The following KIAA1328 variants were observed in gnomAD, a reference collection of about 807,000 sequenced individuals.
The protein encoded by KIAA1328 is KIAA1328.
In KIAA1328, 52 loss-of-function variants were observed where a neutral mutation model predicts 68.1. That is an observed-to-expected ratio of 0.76 (90% CI 0.61 to 0.96). The LOEUF (loss-of-function observed/expected upper bound fraction) is 0.96, where lower values mean the gene tolerates loss of function less well. KIAA1328 is among the 40% of genes least tolerant of loss of function. KIAA1328 has a pLI of 0.00. For synonymous variants in KIAA1328, 232 were observed against 239.4 expected, an observed-to-expected ratio of 0.97 and a Z score of 0.28; for missense variants, 641 against 677.6, an observed-to-expected ratio of 0.95 and a Z score of 0.60.
At chr18:36,829,334 T>G (rs1276144825) in intron 1 of KIAA1328, 138 bp downstream of exon 1, 4 of 1,399,060 alleles carry the variant, frequency 2.9e-6, no homozygotes, top group African/African-American at 1.5e-5. Flanking sequence ...TCGGCCCCAG[T>G]CTAGGTGCTG....
At chr18:37,164,413 T>C (rs2059344215) in intron 8 of KIAA1328, among the ~76,000 whole-genome samples, 1 of 152,182 alleles carries the variant, frequency 6.6e-6, no homozygotes, top group Non-Finnish European at 1.5e-5. Context: ...TGGTGATCAA[T>C]TGGTAATGTC....
chr18:36,839,231 C>A (rs2046780468), intron 3 of KIAA1328, among the ~76,000 whole-genome samples: 1 of 152,140 alleles, frequency 6.6e-6, no homozygotes, highest in South Asian at 2.1e-4. Context: ...CTCTCTGATC[C>A]TCTGTTCATA....
At chr18:37,117,156 G>A (rs1421616224) in intron 7 of KIAA1328, among the ~76,000 whole-genome samples, 2 of 150,124 alleles carry the variant, frequency 1.3e-5, no homozygotes, top group Admixed American at 1.3e-4. Context: ...CCATCCCAAG[G>A]GATTATAAAT....
intron 4 of KIAA1328, among the ~76,000 whole-genome samples, chr18:36,855,143 C>T (rs1020988922): frequency 1.3e-5 from 2 of 152,034 alleles, no homozygotes; most frequent in Admixed American, 1.3e-4. Context: ...GTTTTGAGTA[C>T]GTTTTCAAAT....
intron 7 of KIAA1328, among the ~76,000 whole-genome samples, chr18:37,071,133 G>A (rs537603094): frequency 1.4e-4 from 18 of 128,162 alleles, no homozygotes; most frequent in Non-Finnish European, 2.0e-4. Context: ...GCAGTGGCAC[G>A]ATCATGGCTC....
At chr18:37,087,569 A>G (rs1011267083) in intron 7 of KIAA1328, among the ~76,000 whole-genome samples, 1 of 152,190 alleles carries the variant, frequency 6.6e-6, no homozygotes, top group Non-Finnish European at 1.5e-5. Context: ...TGATCCACCT[A>G]TATTGTGAAG....
At chr18:37,019,847 G>A (rs550678530) in intron 6 of KIAA1328, among the ~76,000 whole-genome samples, 8 of 152,332 alleles carry the variant, frequency 5.3e-5, no homozygotes, top group Admixed American at 6.5e-5. Context: ...GGAAAGGTAA[G>A]GTGGCTCAGG....
rs777638337 is a variant in KIAA1328 at position 36,829,153 on chromosome 18, G to T, written c.15G>T (p.Ala5=). The T allele has an allele frequency of 3.3e-6, 5 of 1,533,558 alleles. No individual in the cohort carries two copies. The African/African-American group carries it at 4.2e-5, about 13-fold the overall frequency. The allele number at this position is 1,533,558 out of a possible 1,614,324, so 95.0% of individuals were successfully genotyped here. Residue 5 remains alanine, a synonymous_variant, in exon 1 of 10, where the codon GCG becomes GCT. Transcript: ENST00000280020. MADV[A]GPSRPSAAAF... ...GTTGTTTCAAGATGGCGGACGTGGC[G>T]GGCCCCTCCCGCCCCAGTGCCGCGG... is the stretch of plus-strand genomic sequence containing the variant.
chr18:36,958,796 T>G (rs576294812), intron 5 of KIAA1328, among the ~76,000 whole-genome samples: 1 of 152,298 alleles, frequency 6.6e-6, no homozygotes, highest in Admixed American at 6.5e-5. Flanking sequence ...TTTTCAAATT[T>G]AAAATAATGC....
chr18:36,927,466 G>A (rs2151133607), intron 5 of KIAA1328, among the ~76,000 whole-genome samples: 1 of 152,306 alleles, frequency 6.6e-6, no homozygotes, highest in African/African-American at 2.4e-5. Context: ...GAAGAAAGAA[G>A]CCAGATGCAC....
chr18:37,023,059 C>T (rs896108117), intron 6 of KIAA1328, among the ~76,000 whole-genome samples: 1 of 152,186 alleles, frequency 6.6e-6, no homozygotes, highest in Non-Finnish European at 1.5e-5. Context: ...GAGACAGGGT[C>T]TCACTCTGTG....
chr18:37,215,954 C>A (rs1205154917), intron 9 of KIAA1328, among the ~76,000 whole-genome samples: 1 of 152,168 alleles, frequency 6.6e-6, no homozygotes, highest in African/African-American at 2.4e-5. Context: ...TTATAGTATT[C>A]TCTGATGGTA....
At chr18:37,150,046 A>G (rs760315388) in intron 7 of KIAA1328, among the ~76,000 whole-genome samples, 3 of 152,190 alleles carry the variant, frequency 2.0e-5, no homozygotes, top group Admixed American at 6.5e-5. Flanking sequence ...TAATATACCA[A>G]GATTGGTACA....
At chr18:37,063,052 T>TA (rs60088367) in intron 6 of KIAA1328, among the ~76,000 whole-genome samples, 3 of 145,682 alleles carry the variant, frequency 2.1e-5, no homozygotes, top group Non-Finnish European at 3.0e-5. Context: ...TTTTTTTTTT[T>TA]ATACTTTAAG....
At chr18:36,875,833 A>G (rs1168734409) in intron 4 of KIAA1328, among the ~76,000 whole-genome samples, 1 of 152,182 alleles carries the variant, frequency 6.6e-6, no homozygotes, top group Admixed American at 6.5e-5. Context: ...TTATTTTGAG[A>G]TACATTCCAT....
intron 8 of KIAA1328, among the ~76,000 whole-genome samples, chr18:37,166,252 C>T (rs1388412482): frequency 1.3e-5 from 2 of 152,012 alleles, no homozygotes; most frequent in Non-Finnish European, 2.9e-5. Context: ...GAAACAAAAC[C>T]AATTCTTAGC....
rs188081945 is a variant in KIAA1328, at chr18:37,205,407, T to A, written c.1524-16610T>A. ...CTAATAAGCAAGCCTTATAAAGGGG[T>A]CTCTCTTTAGGTGGGAAAAGACAGG... On this transcript the variant is annotated intron_variant, in intron 9 of 9. Coordinates refer to ENST00000280020, the MANE Select transcript of KIAA1328 (RefSeq NM_020776.3). 2.0e-5 allele frequency among the ~76,000 whole-genome samples: 3 copies of A among 152,220 alleles called. No individual in the cohort carries two copies. The East Asian group carries it at 5.8e-4, about 29-fold the overall frequency.
At chr18:36,838,007 G>C (rs1385908260) in intron 3 of KIAA1328, among the ~76,000 whole-genome samples, 2 of 152,034 alleles carry the variant, frequency 1.3e-5, no homozygotes, top group Non-Finnish European at 2.9e-5. Context: ...GATTGTTTTG[G>C]CTATTTTGGG....
intron 4 of KIAA1328, among the ~76,000 whole-genome samples, chr18:36,877,735 C>T (rs1445632379): frequency 6.1e-5 from 9 of 146,634 alleles, no homozygotes; most frequent in Admixed American, 3.4e-4. Context: ...GGCGCGATCT[C>T]GACTCACTGC....
Sources: allele counts gnomAD v4.1 joint callset (sites outside exome capture counted in the v4.1 genomes callset), GRCh38; gene constraint gnomAD v4.1.1; transcripts MANE v1.5; gene names NCBI Gene and HGNC (gene_info 2026-07-23, HGNC 2026-07-21).